KCTD14: variants seen among roughly 807,000 people sequenced by gnomAD.
KCTD14 encodes the protein potassium channel tetramerization domain containing 14, also known as BTB/POZ domain-containing protein KCTD14.
KCTD14 carries 7 observed loss-of-function variants against 5.9 expected under a neutral mutation model. The observed-to-expected ratio is 1.19, with a 90% CI of 0.68 to 2.23. The LOEUF (loss-of-function observed/expected upper bound fraction) is 2.23. Among genes scored for constraint, KCTD14 ranks in the 30% most tolerant of loss-of-function variants. The probability of loss-of-function intolerance (pLI) is 0.00; values close to 1 mark genes in which losing one functional copy is unlikely to be tolerated. For missense variants in KCTD14, 342 were observed against 332.2 expected (o/e 1.03, Z -0.23); for synonymous variants, 140 against 133.1 (o/e 1.05, Z -0.36).
At chr11:78,035,556 T>C (rs1857765321) in intron 2 of KCTD14, among the ~76,000 whole-genome samples, 1 of 152,020 alleles carries the variant, frequency 6.6e-6, no homozygotes. Flanking sequence ...AAAGAGTCGC[T>C]TTATGGGCCA....
At chr11:78,031,050 T>G (rs928702613) in intron 2 of KCTD14, among the ~76,000 whole-genome samples, 3 of 149,984 alleles carry the variant, frequency 2.0e-5, no homozygotes, top group Non-Finnish European at 3.0e-5. Flanking sequence ...GTAATGGTTT[T>G]TTTTTTTTTT....
chr11:78,045,878 C>A (rs1858121775), intron 1 of KCTD14, among the ~76,000 whole-genome samples: 2 of 152,142 alleles, frequency 1.3e-5, no homozygotes, highest in African/African-American at 2.4e-5. Flanking sequence ...GCTTCTCCCC[C>A]ACCCCACCCA....
chr11:78,023,147 GC>G lies in KCTD14; in HGVS notation c.90+12del. 6.5e-7 allele frequency: 1 copy of G among 1,541,234 alleles called. No individual in the cohort carries two copies. The highest frequency in any genetic ancestry group is 8.8e-7 in the Non-Finnish European group (1 of 1,131,816). On this transcript the variant is annotated intron_variant, in intron 1 of 1. Coordinates refer to ENST00000353172, the MANE Select transcript of KCTD14 (RefSeq NM_023930.4). ...GGACAGAGGCGCGGGGACGCAGCTAGCCTCGCACTTACCGTTGGCCGCCTGG... is the reference window on the plus strand; with the variant it reads ...GGACAGAGGCGCGGGGACGCAGCTAGCTCGCACTTACCGTTGGCCGCCTGG...
upstream of KCTD14, among the ~76,000 whole-genome samples, chr11:78,025,065 C>T (rs571639156): frequency 2.3e-4 from 33 of 140,696 alleles, no homozygotes; most frequent in Admixed American, 3.6e-4. Context: ...TGTATATATA[C>T]ACACACACAT....
At chr11:78,037,507 C>A (rs1268966967) in intron 2 of KCTD14, among the ~76,000 whole-genome samples, 2 of 152,206 alleles carry the variant, frequency 1.3e-5, no homozygotes, top group Non-Finnish European at 1.5e-5. Context: ...GGACCTCCTG[C>A]TGAGCCCCCA....
chr11:78,022,499 A>G (rs1366684922), intron 1 of KCTD14, among the ~76,000 whole-genome samples: 2 of 152,132 alleles, frequency 1.3e-5, no homozygotes, highest in Admixed American at 6.5e-5. Context: ...CCTATTAGAG[A>G]GAGCCACGCT....
chr11:78,032,545 T>C (rs545975914), intron 2 of KCTD14, among the ~76,000 whole-genome samples: 190 of 152,268 alleles, frequency 1.2e-3, no homozygotes, highest in African/African-American at 4.2e-3. Context: ...TTAGAAAGCC[T>C]ATTTTGCTAA....
chr11:78,025,104 GTGTGTGTGTGTGTGTATATA>G (rs1857418681), upstream of KCTD14, among the ~76,000 whole-genome samples: 1 of 64,756 alleles, frequency 1.5e-5, no homozygotes, highest in African/African-American at 8.5e-5. Flanking sequence ...GTGTGTGTGT[GTGTGTGTGTGTGTGTATATA>G]TATATATATA....
At chr11:78,038,734 A>G (rs1408085144) in exon 2 of KCTD14, 1 of 1,535,616 alleles carries the variant, frequency 6.5e-7, no homozygotes, top group African/African-American at 1.4e-5. Flanking sequence ...TCCTGGGGAC[A>G]AGCAACAGAG....
At chr11:78,038,283 C>A (rs1394802358) in intron 2 of KCTD14, among the ~76,000 whole-genome samples, 1 of 152,214 alleles carries the variant, frequency 6.6e-6, no homozygotes, top group Non-Finnish European at 1.5e-5. Context: ...CCCCATAGGC[C>A]TTTCCCTGGT....
chr11:78,023,554 G>A (rs930747327), upstream of KCTD14: 32 of 332,594 alleles, frequency 9.6e-5, no homozygotes, highest in Admixed American at 3.5e-4. Flanking sequence ...TCACTCTATC[G>A]CTCAGGCTGA....
At chr11:78,020,825 C>T (rs996764078) in intron 1 of KCTD14, among the ~76,000 whole-genome samples, 3 of 152,180 alleles carry the variant, frequency 2.0e-5, no homozygotes, top group African/African-American at 7.2e-5. Flanking sequence ...AACATCCTGC[C>T]CCCCTACTGC....
At chr11:78,031,212 A>AT (rs1018454772) in intron 2 of KCTD14, among the ~76,000 whole-genome samples, 30 of 150,802 alleles carry the variant, frequency 2.0e-4, no homozygotes, top group Non-Finnish European at 3.0e-4. Context: ...CACCCAGCTA[A>AT]TTTTTTTTAC....
chr11:78,016,668 C>A lies in KCTD14; in HGVS notation c.693G>T (p.Lys231Asn). 2 of 1,614,204 alleles carry A rather than the reference C, an allele frequency of 1.2e-6. No homozygotes were observed. The highest frequency in any genetic ancestry group is 1.7e-6 in the Non-Finnish European group (2 of 1,180,040). ...IKAQGYKVFS[K>N]FYLTYPTKRN... ...TTTTGGTGGGGTACGTCAGGTAGAA[C>A]TTGGAGAATACCTTGTACCCCTGGG... Residue 231 changes from lysine to asparagine, a missense_variant, in exon 2 of 2, where the codon AAG becomes AAT. Lys to Asn is a moderately conservative substitution (Grantham distance 94). Coordinates refer to ENST00000353172, the MANE Select transcript of KCTD14 (RefSeq NM_023930.4).
chr11:78,020,035 C>T (rs1472471854), intron 1 of KCTD14, among the ~76,000 whole-genome samples: 4 of 152,282 alleles, frequency 2.6e-5, no homozygotes, highest in African/African-American at 9.6e-5. Flanking sequence ...AAGAACAGGA[C>T]ACAGTCCCTG....
At chr11:78,035,571 C>T (rs1201580683) in intron 2 of KCTD14, among the ~76,000 whole-genome samples, 4 of 152,034 alleles carry the variant, frequency 2.6e-5, no homozygotes, top group Non-Finnish European at 4.4e-5. Flanking sequence ...GGGCCAGGCG[C>T]GGTGGCTCAC....
At chr11:78,026,062 C>G (rs1392887149), upstream of KCTD14, among the ~76,000 whole-genome samples, 1 of 152,150 alleles carries the variant, frequency 6.6e-6, no homozygotes, top group Non-Finnish European at 1.5e-5. Context: ...AGAACATGCC[C>G]ACGATACAAC....
intron 2 of KCTD14, among the ~76,000 whole-genome samples, chr11:78,032,816 C>T (rs544924926): frequency 1.5e-4 from 23 of 151,642 alleles, no homozygotes; most frequent in Admixed American, 5.3e-4. Context: ...CCATGTCACC[C>T]CCAACAGGTA....
chr11:78,024,710 C>T (rs1857404121), upstream of KCTD14, among the ~76,000 whole-genome samples: 1 of 151,778 alleles, frequency 6.6e-6, no homozygotes, highest in Non-Finnish European at 1.5e-5. Flanking sequence ...CTTTGGGAGG[C>T]CATGGCAGGT....
Sources: gnomAD v4.1 joint callset for allele counts (sites outside exome capture counted in the v4.1 genomes callset) on GRCh38, gnomAD v4.1.1 for gene constraint, MANE v1.5 for transcripts, NCBI Gene and HGNC (gene_info 2026-07-23, HGNC 2026-07-21) for gene names.